Variants in SEMA3A observed in about 807,000 individuals in gnomAD.
SEMA3A encodes semaphorin 3A.
Under a neutral mutation model 97.9 loss-of-function variants are expected in SEMA3A, and 29 were observed. The ratio of observed to expected loss-of-function variants is 0.30; its 90% CI spans 0.22 to 0.40. The LOEUF (loss-of-function observed/expected upper bound fraction) is 0.40, where lower values mean the gene tolerates loss of function less well. Among genes scored for constraint, SEMA3A ranks in the 10% least tolerant of loss-of-function variants. SEMA3A has a pLI of 1.00. For synonymous variants in SEMA3A, 321 were observed against 323.7 expected (o/e 0.99, Z 0.09); for missense variants, 763 against 951.3 (o/e 0.80, Z 2.60).
intron 3 of SEMA3A, among the ~76,000 whole-genome samples, chr7:84,128,144 T>C (rs1018829721): frequency 7.9e-5 from 12 of 152,086 alleles, no homozygotes; most frequent in East Asian, 5.8e-4. Context: ...GCTAAAACCA[T>C]TGTAGGGATT....
upstream of SEMA3A, among the ~76,000 whole-genome samples, chr7:84,196,536 T>C (rs768196696): frequency 2.6e-5 from 4 of 152,218 alleles, no homozygotes; most frequent in Admixed American, 2.0e-4. Context: ...TCTTATTGTA[T>C]TTGTCAGTTT....
At chr7:84,107,073 A>G (rs1341824856) in intron 4 of SEMA3A, among the ~76,000 whole-genome samples, 1 of 152,206 alleles carries the variant, frequency 6.6e-6, no homozygotes, top group Non-Finnish European at 1.5e-5. Flanking sequence ...CCTTGAGAAC[A>G]AAAGTTCATA....
intron 5 of SEMA3A, among the ~76,000 whole-genome samples, chr7:84,053,831 G>C (rs1446275428): frequency 9.3e-6 from 1 of 108,034 alleles, no homozygotes; most frequent in Non-Finnish European, 2.2e-5. Context: ...ATTTTGGCAT[G>C]ATTTTGCAGT....
At chr7:84,184,362 A>C (rs915888369) in intron 1 of SEMA3A, among the ~76,000 whole-genome samples, 19 of 152,194 alleles carry the variant, frequency 1.2e-4, no homozygotes, top group African/African-American at 4.3e-4. Context: ...ACTCTATTGA[A>C]CACGGGGATC....
intron 1 of SEMA3A, among the ~76,000 whole-genome samples, chr7:84,153,868 A>C (rs2116135965): frequency 6.6e-6 from 1 of 152,244 alleles, no homozygotes; most frequent in Non-Finnish European, 1.5e-5. Flanking sequence ...TTTGCATATT[A>C]AGAACAATTC....
chr7:84,385,834 C>T (rs1803382262), intron 1 of SEMA3A, among the ~76,000 whole-genome samples: 1 of 152,152 alleles, frequency 6.6e-6, no homozygotes, highest in Non-Finnish European at 1.5e-5. Flanking sequence ...AATTATTTTT[C>T]CAACACTGAA....
intron 2 of SEMA3A, among the ~76,000 whole-genome samples, chr7:84,320,609 T>C (rs1272658096): frequency 6.6e-6 from 1 of 152,006 alleles, no homozygotes; most frequent in African/African-American, 2.4e-5. Flanking sequence ...CTTTGTTAGG[T>C]CATTTTGTTC....
At chr7:84,166,596 G>A (rs867252313) in intron 1 of SEMA3A, among the ~76,000 whole-genome samples, 28 of 151,370 alleles carry the variant, frequency 1.8e-4, no homozygotes, top group Middle Eastern at 3.2e-3. Flanking sequence ...TTGCCGGGGG[G>A]GCGCAGTGGC....
At chr7:84,255,289 T>A (rs185961793) in intron 3 of SEMA3A, among the ~76,000 whole-genome samples, 107 of 152,308 alleles carry the variant, frequency 7.0e-4, no homozygotes, top group African/African-American at 2.5e-3. Flanking sequence ...ACAGCTATTC[T>A]GTAAATTTGC....
At chr7:84,282,950 G>T (rs1562885660) in intron 3 of SEMA3A, among the ~76,000 whole-genome samples, 2 of 151,960 alleles carry the variant, frequency 1.3e-5, no homozygotes, top group South Asian at 2.1e-4. Flanking sequence ...GAAGGTGGAG[G>T]TTGCAGCGAA....
intron 1 of SEMA3A, among the ~76,000 whole-genome samples, chr7:84,172,329 T>A (rs1270866205): frequency 6.6e-6 from 1 of 152,228 alleles, no homozygotes; most frequent in Non-Finnish European, 1.5e-5. Flanking sequence ...TGACAAAATT[T>A]GAAGCTCTAT....
At chr7:84,401,070 A>G (rs1803888326) in intron 1 of SEMA3A, among the ~76,000 whole-genome samples, 1 of 152,332 alleles carries the variant, frequency 6.6e-6, no homozygotes, top group Admixed American at 6.5e-5. Flanking sequence ...TTAGGAAGGA[A>G]GAAGTCAAAT....
intron 15 of SEMA3A, among the ~76,000 whole-genome samples, chr7:83,967,061 A>C (rs921857029): frequency 2.0e-5 from 3 of 152,194 alleles, no homozygotes; most frequent in African/African-American, 7.2e-5. Context: ...CTTCTGCCAC[A>C]GGATGTTTCT....
intron 3 of SEMA3A, among the ~76,000 whole-genome samples, chr7:84,268,545 T>C (rs1245187914): frequency 6.6e-6 from 1 of 152,044 alleles, no homozygotes; most frequent in Non-Finnish European, 1.5e-5. Context: ...GTATTTTCCC[T>C]TTTTCTTTAG....
upstream of SEMA3A, among the ~76,000 whole-genome samples, chr7:84,197,732 T>TC (rs1798265643): frequency 3.0e-5 from 1 of 33,500 alleles, no homozygotes; most frequent in South Asian, 8.7e-4. Context: ...AGATCACTCT[T>TC]TTTTTTTTTT....
intron 1 of SEMA3A, among the ~76,000 whole-genome samples, chr7:84,483,782 C>T (rs892043678): frequency 4.6e-5 from 7 of 152,212 alleles, no homozygotes; most frequent in South Asian, 2.1e-4. Context: ...CAATGGCTCA[C>T]GCCTGTAATC....
In SEMA3A at chr7:84,183,506, T is replaced by C. The variant is rs116178205; in HGVS notation, c.112+10969A>G. Among the ~76,000 whole-genome samples the C allele has an allele frequency of 4.1e-3, 617 of 152,044 alleles. 3 individuals are homozygous for C. Among genetic ancestry groups the C allele is most frequent in the African/African-American group, 0.014 (574 of 41,476 alleles). On this transcript the variant is annotated intron_variant, in intron 1 of 16. Coordinates refer to ENST00000265362, the MANE Select transcript of SEMA3A (RefSeq NM_006080.3). Reference sequence around the variant, plus strand: ...ATATGAAAAAATACTTTCTGACACCTGTGAAATGACTTAGCAAGGCAGATC... The same window carrying C: ...ATATGAAAAAATACTTTCTGACACCCGTGAAATGACTTAGCAAGGCAGATC...
intron 1 of SEMA3A, among the ~76,000 whole-genome samples, chr7:84,163,743 G>A (rs1398063621): frequency 4.6e-5 from 7 of 151,590 alleles, no homozygotes; most frequent in East Asian, 1.9e-4. Flanking sequence ...TTCACGATCC[G>A]CTTCCAATTA....
intron 3 of SEMA3A, among the ~76,000 whole-genome samples, chr7:84,266,239 G>A (rs1799998085): frequency 6.8e-6 from 1 of 147,298 alleles, no homozygotes; most frequent in Non-Finnish European, 1.5e-5. Context: ...GAGAATTGCT[G>A]GAACTCAGGA....
Sources: gnomAD v4.1 joint callset for allele counts (sites outside exome capture counted in the v4.1 genomes callset) on GRCh38, gnomAD v4.1.1 for gene constraint, MANE v1.5 for transcripts, NCBI Gene and HGNC (gene_info 2026-07-23, HGNC 2026-07-21) for gene names.